Variants in LDLRAD3 observed in about 807,000 individuals in gnomAD.
The protein encoded by LDLRAD3 is low density lipoprotein receptor class A domain containing 3.
In LDLRAD3, 20 loss-of-function variants were observed where a neutral mutation model predicts 29.4. The ratio of observed to expected loss-of-function variants is 0.68; its 90% CI spans 0.48 to 0.99. LDLRAD3 has a LOEUF of 0.99. Among genes scored for constraint, LDLRAD3 ranks in the 50% least tolerant of loss-of-function variants. The pLI, the probability that LDLRAD3 is intolerant of heterozygous loss-of-function variation, is 0.00. For missense variants in LDLRAD3, 420 were observed against 454.3 expected (o/e 0.92, Z 0.69); for synonymous variants, 157 against 192.7 (o/e 0.81, Z 1.53).
rs564934199 is a variant in LDLRAD3 at position 36,190,707 on chromosome 11, G to T, written c.455-36378G>T. Among the ~76,000 whole-genome samples the T allele has an allele frequency of 4.6e-5, 7 of 152,246 alleles. No individual in the cohort carries two copies. In the East Asian group the frequency reaches 1.4e-3, roughly 29 times the overall value. ...CTGAACCAAAGAACAGTGGTTTTCA[G>T]ACAGAAAAGAGCCCACCTAATGCTC... On this transcript the variant is annotated intron_variant, in intron 4 of 5. Transcript: ENST00000315571.
rs552172122 is a variant in LDLRAD3, at chr11:36,142,217, G to T, written c.454+43756G>T. On this transcript the variant is annotated intron_variant, in intron 4 of 5. Transcript: ENST00000315571. ...AGTGACACACTAGAGTCACTCCTTA[G>T]TTTCTGACCTCTCTGATGGTTTTAC... Among the ~76,000 whole-genome samples, 19 of 152,202 alleles carry T rather than the reference G, an allele frequency of 1.2e-4. No individual in the cohort carries two copies. The South Asian group carries it at 3.9e-3, about 32-fold the overall frequency.
chr11:36,028,763 C>T (rs189395851), intron 1 of LDLRAD3, among the ~76,000 whole-genome samples: 1 of 151,762 alleles, frequency 6.6e-6, no homozygotes, highest in Non-Finnish European at 1.5e-5. Flanking sequence ...GTAGAATATT[C>T]TTTTCTCTCC....
chr11:36,223,967 CAT>C (rs571849102), intron 4 of LDLRAD3, among the ~76,000 whole-genome samples: 37 of 151,656 alleles, frequency 2.4e-4, no homozygotes, highest in Middle Eastern at 6.8e-3. Flanking sequence ...TGCACTATAA[CAT>C]GTGTGAACGT....
At chr11:36,006,380 T>G (rs1428384359) in intron 1 of LDLRAD3, among the ~76,000 whole-genome samples, 1 of 152,194 alleles carries the variant, frequency 6.6e-6, no homozygotes, top group Non-Finnish European at 1.5e-5. Flanking sequence ...GTCAAGGGGA[T>G]GAGATGCCTC....
intron 4 of LDLRAD3, among the ~76,000 whole-genome samples, chr11:36,124,776 C>G (rs1239052635): frequency 6.6e-6 from 1 of 151,738 alleles, no homozygotes; most frequent in African/African-American, 2.4e-5. Flanking sequence ...ACTGCAACCT[C>G]TGCCACCTGG....
At chr11:36,055,990 CT>C (rs67731567) in intron 2 of LDLRAD3, among the ~76,000 whole-genome samples, 8,343 of 95,100 alleles carry the variant, frequency 0.088, 332 homozygotes, top group African/African-American at 0.21. Context: ...ACAGCTTGCC[CT>C]TTTTTTTTTT....
At chr11:36,096,187 T>C (rs1215414359) in intron 3 of LDLRAD3, among the ~76,000 whole-genome samples, 2 of 152,218 alleles carry the variant, frequency 1.3e-5, no homozygotes, top group African/African-American at 4.8e-5. Flanking sequence ...ATCAAACTTT[T>C]GGAATTGAAT....
chr11:36,147,487 T>C (rs1854215005), intron 4 of LDLRAD3, among the ~76,000 whole-genome samples: 1 of 152,194 alleles, frequency 6.6e-6, no homozygotes. Flanking sequence ...GATGATCTCA[T>C]CTAAAGTTCC....
intron 1 of LDLRAD3, among the ~76,000 whole-genome samples, chr11:36,006,607 C>T (rs948918485): frequency 1.3e-5 from 2 of 152,218 alleles, no homozygotes; most frequent in Non-Finnish European, 2.9e-5. Context: ...ACCTGGGTTC[C>T]ATGACTGTCT....
At chr11:35,975,628 A>G (rs1851465747) in intron 1 of LDLRAD3, among the ~76,000 whole-genome samples, 1 of 152,178 alleles carries the variant, frequency 6.6e-6, no homozygotes, top group African/African-American at 2.4e-5. Context: ...TTAAAAGATG[A>G]TGGGTTAAAG....
chr11:36,174,084 G>A (rs1435445217), intron 4 of LDLRAD3, among the ~76,000 whole-genome samples: 5 of 152,166 alleles, frequency 3.3e-5, no homozygotes, highest in African/African-American at 1.2e-4. Context: ...TCTGATCTTT[G>A]ACAAACCTGA....
intron 4 of LDLRAD3, among the ~76,000 whole-genome samples, chr11:36,210,730 C>G (rs1855273359): frequency 6.6e-6 from 1 of 152,168 alleles, no homozygotes; most frequent in African/African-American, 2.4e-5. Flanking sequence ...GGCAGTATTG[C>G]TCAACCACCC....
chr11:36,228,411 G>C (rs1409718454), intron 5 of LDLRAD3, among the ~76,000 whole-genome samples: 1 of 152,204 alleles, frequency 6.6e-6, no homozygotes. Flanking sequence ...TAAAATTGCT[G>C]AATCTGGAAA....
chr11:36,229,906 C>T lies in LDLRAD3; in HGVS notation c.*509C>T, dbSNP rs1855553647. 6.5e-6 allele frequency: 1 copy of T among 154,172 alleles called. No homozygotes were observed. Among genetic ancestry groups the T allele is most frequent in the South Asian group, 2.0e-4 (1 of 4,898 alleles). The allele number at this position is 154,172 out of a possible 1,614,324, so 9.6% of individuals were successfully genotyped here. ...GCATCAAAACCTGCTTTGCACAATC[C>T]TATTTGATGCCCCCAGTTCAGCAGA... On this transcript the variant is annotated 3_prime_UTR_variant, in exon 6 of 6. Transcript: ENST00000315571.
intron 4 of LDLRAD3, among the ~76,000 whole-genome samples, chr11:36,103,236 C>T (rs1590269387): frequency 8.1e-6 from 1 of 123,922 alleles, no homozygotes; most frequent in Non-Finnish European, 1.6e-5. Flanking sequence ...AGTATTTAAT[C>T]TTTTTTTTTT....
chr11:35,968,676 C>T (rs1156282959), intron 1 of LDLRAD3: 1 of 157,140 alleles, frequency 6.4e-6, no homozygotes, highest in Non-Finnish European at 1.4e-5. Context: ...CTTAATTTCT[C>T]AGTTTTAATG....
At chr11:36,206,833 T>C (rs546852375) in intron 4 of LDLRAD3, among the ~76,000 whole-genome samples, 1 of 151,740 alleles carries the variant, frequency 6.6e-6, no homozygotes, top group South Asian at 2.1e-4. Context: ...TTCAAGCAAT[T>C]CTCCTGCCTC....
intron 1 of LDLRAD3, chr11:35,968,733 C>A: frequency 6.1e-6 from 1 of 164,222 alleles, no homozygotes. Context: ...GTTAATATTT[C>A]TGTCATCCAT....
At chr11:36,083,447 A>T (rs1853146522) in intron 3 of LDLRAD3, among the ~76,000 whole-genome samples, 1 of 152,186 alleles carries the variant, frequency 6.6e-6, no homozygotes, top group East Asian at 1.9e-4. Context: ...TTAGAATGAG[A>T]CACTATTCAT....
Sources: gnomAD v4.1 joint callset for allele counts (sites outside exome capture counted in the v4.1 genomes callset) on GRCh38, gnomAD v4.1.1 for gene constraint, MANE v1.5 for transcripts, NCBI Gene and HGNC (gene_info 2026-07-23, HGNC 2026-07-21) for gene names.